The following MEF2B variants were observed in gnomAD, a reference collection of about 807,000 sequenced individuals.
The protein encoded by MEF2B is myocyte enhancer factor 2B.
Under a neutral mutation model 32.2 loss-of-function variants are expected in MEF2B, and 15 were observed. The observed-to-expected ratio is 0.47, with a 90% CI of 0.31 to 0.72. The LOEUF is 0.72. Ranked by LOEUF, MEF2B falls within the 30% of genes least tolerant of loss-of-function variation. MEF2B has a pLI of 0.05. For missense variants in MEF2B, 441 were observed against 511.5 expected (o/e 0.86, Z 1.33); for synonymous variants, 205 against 225.6 (o/e 0.91, Z 0.82).
At chr19:19,163,342 G>T (rs1464932626) in intron 1 of MEF2B, among the ~76,000 whole-genome samples, 1 of 151,928 alleles carries the variant, frequency 6.6e-6, no homozygotes, top group South Asian at 2.1e-4. Flanking sequence ...TAGAGCCGGG[G>T]TCTCCCTGTG....
intron 3 of MEF2B, 54 bp downstream of exon 3, chr19:19,149,172 G>A (rs779681961): frequency 2.6e-5 from 41 of 1,599,284 alleles, no homozygotes; most frequent in Middle Eastern, 1.9e-4. Flanking sequence ...CCTGGGCTCT[G>A]AGAAAGCAGC....
At chr19:19,152,857 A>C (rs1395792516) in intron 1 of MEF2B, among the ~76,000 whole-genome samples, 1 of 152,156 alleles carries the variant, frequency 6.6e-6, no homozygotes, top group Non-Finnish European at 1.5e-5. Context: ...GTGTGACCCC[A>C]GGCACACCCT....
intron 1 of MEF2B, among the ~76,000 whole-genome samples, chr19:19,155,927 C>A (rs918085783): frequency 3.3e-5 from 5 of 152,126 alleles, no homozygotes; most frequent in Non-Finnish European, 7.3e-5. Context: ...ATCTGCCCAG[C>A]GCAGAAGCAC....
chr19:19,166,596 T>TGA (rs1166234481), intron 1 of MEF2B, among the ~76,000 whole-genome samples: 1 of 47,226 alleles, frequency 2.1e-5, no homozygotes, highest in African/African-American at 8.4e-5. Flanking sequence ...CCATCTCCAA[T>TGA]TAAAAAAAAA....
In MEF2B at chr19:19,152,463, T is replaced by TAAAATACCCAAAA. The variant is rs1222987803; in HGVS notation, c.-29-1700_-29-1699insTTTTGGGTATTTT. Among the ~76,000 whole-genome samples the TAAAATACCCAAAA allele has an allele frequency of 1.9e-3, 285 of 151,860 alleles. 1 individual carries two copies. The highest frequency in any genetic ancestry group is 2.9e-3 in the Non-Finnish European group (200 of 67,952). ...GCTCATGCCTGTAATCCCAGTATTTTGGGAGGCTGAGGTGGGTGGATCACG... is the reference window on the plus strand; with the variant it reads ...GCTCATGCCTGTAATCCCAGTATTTTAAAATACCCAAAAGGGAGGCTGAGGTGGGTGGATCACG... On this transcript the variant is annotated intron_variant, in intron 1 of 8. Transcript: ENST00000424583.
intron 1 of MEF2B, among the ~76,000 whole-genome samples, chr19:19,164,904 G>A (rs1162883594): frequency 6.6e-6 from 1 of 152,172 alleles, no homozygotes; most frequent in Non-Finnish European, 1.5e-5. Context: ...TCCTCTCTTT[G>A]TTCCAGAGAA....
chr19:19,167,235 C>T (rs763862178), intron 1 of MEF2B, among the ~76,000 whole-genome samples: 19 of 151,658 alleles, frequency 1.3e-4, no homozygotes, highest in Non-Finnish European at 2.1e-4. Flanking sequence ...CCTGTAATTC[C>T]AGCTACTCAG....
chr19:19,159,967 CTTTT>C (rs940709586), intron 1 of MEF2B, among the ~76,000 whole-genome samples: 2 of 132,238 alleles, frequency 1.5e-5, no homozygotes, highest in South Asian at 2.4e-4. Context: ...GTCTACTGAA[CTTTT>C]TTTTTTTTTT....
At chr19:19,150,284 C>T (rs2060065994) in intron 2 of MEF2B, among the ~76,000 whole-genome samples, 1 of 151,352 alleles carries the variant, frequency 6.6e-6, no homozygotes, top group African/African-American at 2.4e-5. Flanking sequence ...AATCCCAGCA[C>T]TTTGGGAGGC....
intron 2 of MEF2B, among the ~76,000 whole-genome samples, chr19:19,149,644 G>C (rs922624368): frequency 6.6e-6 from 1 of 152,160 alleles, no homozygotes; most frequent in African/African-American, 2.4e-5. Flanking sequence ...TTCCCAGGCA[G>C]AGTCCACATG....
At chr19:19,162,843 T>G (rs942623517) in intron 1 of MEF2B, among the ~76,000 whole-genome samples, 1 of 152,176 alleles carries the variant, frequency 6.6e-6, no homozygotes, top group Non-Finnish European at 1.5e-5. Flanking sequence ...ACTTGCCCAC[T>G]GCGTGATACT....
At chr19:19,162,300 T>C (rs938260207) in intron 1 of MEF2B, among the ~76,000 whole-genome samples, 4 of 151,918 alleles carry the variant, frequency 2.6e-5, no homozygotes, top group Non-Finnish European at 5.9e-5. Context: ...GCCAGGCTAA[T>C]TTTTTTTATT....
Position 19,145,798 on chromosome 19 carries a change from T to C in MEF2B, c.1106A>G (p.Ter369TrpextTer68). ...RLPLADGWPR* is the reference protein window; with the variant it reads ...RLPLADGWPRW ...GGGCTGGTGCCACCGGGTGATCTCC[T>C]ACCGGGGCCAGCCGTCGGCCAAGGG... is the stretch of plus-strand genomic sequence containing the variant. Residue 369 changes from the stop codon to tryptophan (W), a stop_lost, in exon 9 of 9, where the codon TAG (stop) becomes TGG (tryptophan). Transcript: ENST00000424583. This position sits in a 1 kb window ranked among gnomAD's most constrained non-coding sequence, Gnocchi z 4.6. The C allele has an allele frequency of 6.5e-7, 1 of 1,542,978 alleles. No individual in the cohort carries two copies. The highest frequency in any genetic ancestry group is 8.7e-7 in the Non-Finnish European group (1 of 1,142,892).
intron 1 of MEF2B, among the ~76,000 whole-genome samples, chr19:19,159,419 T>C (rs2060143266): frequency 6.6e-6 from 1 of 151,788 alleles, no homozygotes; most frequent in Admixed American, 6.6e-5. Context: ...AGACCCTGTC[T>C]CTAAAAATAA....
intron 1 of MEF2B, among the ~76,000 whole-genome samples, chr19:19,151,958 A>ATT (rs201703145): frequency 0.26 from 29,770 of 116,344 alleles, 4,376 homozygotes; most frequent in Non-Finnish European, 0.32. Context: ...CCCCATCTCT[A>ATT]TTTTTTTTTT....
chr19:19,169,543 G>A (rs187437725), intron 1 of MEF2B, among the ~76,000 whole-genome samples: 1 of 152,102 alleles, frequency 6.6e-6, no homozygotes, highest in African/African-American at 2.4e-5. Flanking sequence ...AGGGGTTAGG[G>A]TGGCCAAGGA....
intron 1 of MEF2B, among the ~76,000 whole-genome samples, chr19:19,160,024 A>G (rs2060148684): frequency 6.8e-6 from 1 of 146,026 alleles, no homozygotes; most frequent in African/African-American, 2.6e-5. Flanking sequence ...GCTGGAGTGC[A>G]GTGGCGTGAT....
intron 1 of MEF2B, among the ~76,000 whole-genome samples, chr19:19,167,960 C>T (rs2060222923): frequency 6.6e-6 from 1 of 152,188 alleles, no homozygotes; most frequent in Non-Finnish European, 1.5e-5. Context: ...TCTAAGATGA[C>T]ATCCCAAGAT....
chr19:19,146,256 C>T lies in MEF2B; in HGVS notation c.881+17G>A. On this transcript the variant is annotated intron_variant, in intron 8 of 8. Coordinates refer to ENST00000424583, the MANE Select transcript of MEF2B (RefSeq NM_001145785.2). ...GCTTTGGAGGACTGGGACTTGCCGTCGTCTCAGGGCACTTACCTGGGCTGG... is the reference window on the plus strand; with the variant it reads ...GCTTTGGAGGACTGGGACTTGCCGTTGTCTCAGGGCACTTACCTGGGCTGG... The T allele has an allele frequency of 2.6e-6, 3 of 1,162,892 alleles. No homozygotes were observed. Among genetic ancestry groups the T allele is most frequent in the Non-Finnish European group, 3.4e-6 (3 of 883,050 alleles). The allele number at this position is 1,162,892 out of a possible 1,614,324, so 72.0% of individuals were successfully genotyped here.
Sources: allele counts gnomAD v4.1 joint callset (sites outside exome capture counted in the v4.1 genomes callset), GRCh38; gene constraint gnomAD v4.1.1; non-coding constraint Gnocchi (gnomAD v3.1); transcripts MANE v1.5; gene names NCBI Gene and HGNC (gene_info 2026-07-23, HGNC 2026-07-21).